The following CMTM4 variants were observed in gnomAD, a reference collection of about 807,000 sequenced individuals.
The protein encoded by CMTM4 is CKLF like MARVEL transmembrane domain containing 4, also known as CKLF-like MARVEL transmembrane domain-containing protein 4.
A neutral mutation model predicts 19.0 loss-of-function variants in CMTM4; 8 were observed. The ratio of observed to expected loss-of-function variants is 0.42; its 90% CI spans 0.25 to 0.76. CMTM4 has a LOEUF of 0.76. Ranked by LOEUF, CMTM4 falls within the 30% of genes least tolerant of loss-of-function variation. The pLI is 0.27. For missense variants in CMTM4, 228 were observed against 290.2 expected, an observed-to-expected ratio of 0.79 and a Z score of 1.56; for synonymous variants, 106 against 121.1, an observed-to-expected ratio of 0.88 and a Z score of 0.82.
chr16:66,634,854 C>A (rs1567409345), intron 2 of CMTM4, among the ~76,000 whole-genome samples: 1 of 152,174 alleles, frequency 6.6e-6, no homozygotes, highest in Non-Finnish European at 1.5e-5. Context: ...CAGGGTCATG[C>A]ACAGCCTGTT....
chr16:66,617,151 C>T lies in CMTM4; in HGVS notation c.*4907G>A, dbSNP rs559066395. 44 of 907,006 alleles carry T rather than the reference C, an allele frequency of 4.9e-5. No homozygotes were observed. The highest frequency in any genetic ancestry group is 8.5e-5 in the African/African-American group (5 of 59,108). The allele number at this position is 907,006 out of a possible 1,614,324, so 56.2% of individuals were successfully genotyped here. A position where few individuals can be genotyped will look rare whatever the true frequency, so the allele number is the denominator to read the frequency against. ...TGTATTATGCATCCCAAAGAAAACA[C>T]GCCACCCCAGGTGTCTAGATAGCAA... is the stretch of plus-strand genomic sequence containing the variant. On this transcript the variant is annotated 3_prime_UTR_variant, in exon 4 of 4. Coordinates refer to ENST00000394106, the MANE Select transcript of CMTM4 (RefSeq NM_181521.3).
intron 2 of CMTM4, among the ~76,000 whole-genome samples, chr16:66,632,331 G>A (rs993243358): frequency 2.0e-5 from 3 of 152,214 alleles, no homozygotes; most frequent in Admixed American, 1.3e-4. Flanking sequence ...GTGGGCTGAA[G>A]ATGAATTGCG....
chr16:66,636,547 G>A lies in CMTM4; in HGVS notation c.221C>T (p.Thr74Ile), dbSNP rs931931387. 4.3e-6 allele frequency: 7 copies of A among 1,614,162 alleles called. No homozygotes were observed. The highest frequency in any genetic ancestry group is 1.1e-5 in the South Asian group (1 of 91,080). ...LALIAFICIE[T>I]IMACSPCEGL... ...TTCACACGGGGAGCATGCCATGATG[G>A]TCTCTATGCAGATGAATGCAATCAG... is the stretch of plus-strand genomic sequence containing the variant. Residue 74 changes from threonine (T) to isoleucine (I), a missense_variant, in exon 2 of 4, where the codon ACC (threonine) becomes ATC (isoleucine). Thr to Ile is a moderately conservative substitution (Grantham distance 89, BLOSUM62 -1). Around this residue, in one of 3 missense-constraint regions of CMTM4, gnomAD observed 200 missense variants for 226.6 expected, o/e 0.88. Coordinates refer to ENST00000394106, the MANE Select transcript of CMTM4 (RefSeq NM_181521.3).
In CMTM4 at chr16:66,616,030, TTTG is replaced by T. The variant is rs1200609238; in HGVS notation, c.*6025_*6027del. 4.6e-5 allele frequency: 7 copies of T among 152,178 alleles called. No individual in the cohort carries two copies. The highest frequency in any genetic ancestry group is 1.0e-4 in the Non-Finnish European group (7 of 68,040). 9.4% of individuals were successfully genotyped at this position (152,178 alleles called of 1,614,324 possible). A position where few individuals can be genotyped will look rare whatever the true frequency, so the allele number is the denominator to read the frequency against. On this transcript the variant is annotated 3_prime_UTR_variant, in exon 4 of 4. Coordinates refer to ENST00000394106, the MANE Select transcript of CMTM4 (RefSeq NM_181521.3). ...AAAGAGGAATAGCCAGGGAATTTTT[TTTG>T]TTTTTTTTCTTCTTTAAAATACATA...
intron 1 of CMTM4, among the ~76,000 whole-genome samples, chr16:66,652,076 TG>T (rs769658025): frequency 6.6e-6 from 1 of 152,196 alleles, no homozygotes. Context: ...TAAAGCCACC[TG>T]GGCTGGCCAG....
chr16:66,623,003 T>TGTGACTGCTAAATGGTGTC (rs1265975573), intron 3 of CMTM4, among the ~76,000 whole-genome samples: 1 of 152,222 alleles, frequency 6.6e-6, no homozygotes, highest in African/African-American at 2.4e-5. Context: ...TGAAATGTCA[T>TGTGACTGCTAAATGGTGTC]GTGACTGCTA....
intron 1 of CMTM4, among the ~76,000 whole-genome samples, chr16:66,654,881 C>T (rs1488444763): frequency 1.3e-5 from 2 of 152,232 alleles, no homozygotes; most frequent in African/African-American, 4.8e-5. Flanking sequence ...ACTGTCCTTA[C>T]TATGTGAAAG....
At chr16:66,611,799 A>T (rs2015386493), downstream of CMTM4, among the ~76,000 whole-genome samples, 1 of 152,154 alleles carries the variant, frequency 6.6e-6, no homozygotes, top group African/African-American at 2.4e-5. Flanking sequence ...GCAGGCCCTT[A>T]CCATTATAAA....
At chr16:66,673,389 G>A (rs1467733834) in intron 1 of CMTM4, among the ~76,000 whole-genome samples, 3 of 150,392 alleles carry the variant, frequency 2.0e-5, no homozygotes, top group African/African-American at 7.3e-5. Flanking sequence ...TTTATTTTTT[G>A]TAGAGACAGG....
intron 1 of CMTM4, among the ~76,000 whole-genome samples, chr16:66,658,051 T>A (rs1006830479): frequency 1.3e-5 from 2 of 152,118 alleles, no homozygotes; most frequent in African/African-American, 4.8e-5. Context: ...TAAGACTCCA[T>A]CTCTACAAAA....
chr16:66,609,834 C>A (rs1444441689), downstream of CMTM4: 1 of 1,614,194 alleles, frequency 6.2e-7, no homozygotes, highest in Non-Finnish European at 8.5e-7. The surrounding 1 kb of genome is among the most constrained non-coding windows in gnomAD (Gnocchi z 4.4). Flanking sequence ...AGCAGCCTCC[C>A]GGAGCAGGGA....
intron 1 of CMTM4, among the ~76,000 whole-genome samples, chr16:66,683,929 G>A (rs763826140): frequency 1.4e-4 from 21 of 152,052 alleles, no homozygotes; most frequent in Non-Finnish European, 2.2e-4. Context: ...ATAGCTAAGC[G>A]GGCATTTTCA....
intron 2 of CMTM4, among the ~76,000 whole-genome samples, chr16:66,635,784 T>C (rs1416482198): frequency 6.6e-6 from 1 of 152,174 alleles, no homozygotes; most frequent in Non-Finnish European, 1.5e-5. Context: ...CTCTTCTCAT[T>C]CAGCACAGTA....
At chr16:66,645,989 A>C (rs1016848828) in intron 1 of CMTM4, among the ~76,000 whole-genome samples, 4 of 152,094 alleles carry the variant, frequency 2.6e-5, no homozygotes, top group African/African-American at 7.2e-5. Context: ...AAAAACAAAC[A>C]AACAAACAAA....
intron 1 of CMTM4, among the ~76,000 whole-genome samples, chr16:66,637,599 G>A (rs757108926): frequency 3.9e-5 from 6 of 152,146 alleles, no homozygotes; most frequent in Non-Finnish European, 7.3e-5. Flanking sequence ...CTGGCAATAT[G>A]TCCTAAGAGT....
At chr16:66,628,783 T>C (rs1555498757) in intron 2 of CMTM4, among the ~76,000 whole-genome samples, 2 of 152,248 alleles carry the variant, frequency 1.3e-5, no homozygotes, top group African/African-American at 2.4e-5. Flanking sequence ...TGTTGTAGCA[T>C]GTATCAGTAC....
chr16:66,657,619 A>G (rs933253289), intron 1 of CMTM4, among the ~76,000 whole-genome samples: 1 of 152,226 alleles, frequency 6.6e-6, no homozygotes, highest in African/African-American at 2.4e-5. Context: ...ATCTAGGTCA[A>G]AGCATATATT....
downstream of CMTM4, chr16:66,613,276 G>A (rs925110325): frequency 4.8e-6 from 3 of 630,544 alleles, no homozygotes; most frequent in African/African-American, 5.5e-5. Flanking sequence ...CTGGGGGTGA[G>A]ATGACCATTC....
chr16:66,619,728 G>A lies in CMTM4; in HGVS notation c.*2330C>T. On this transcript the variant is annotated 3_prime_UTR_variant, in exon 4 of 4. Coordinates refer to ENST00000394106, the MANE Select transcript of CMTM4 (RefSeq NM_181521.3). ...TTACATCAACTAGAAAGCGTCCATA[G>A]CACCACTTCCGGTTCTAGTGGGAGT... The A allele has an allele frequency of 1.0e-6, 1 of 985,338 alleles. No homozygotes were observed. Among genetic ancestry groups the A allele is most frequent in the Non-Finnish European group, 1.2e-6 (1 of 829,918 alleles). The allele number at this position is 985,338 out of a possible 1,614,324, so 61.0% of individuals were successfully genotyped here.
Sources: allele counts gnomAD v4.1 joint callset (sites outside exome capture counted in the v4.1 genomes callset), GRCh38; gene constraint gnomAD v4.1.1; regional missense constraint gnomAD v4.1.1; non-coding constraint Gnocchi (gnomAD v3.1); transcripts MANE v1.5; gene names NCBI Gene and HGNC (gene_info 2026-07-23, HGNC 2026-07-21).